The following TOX variants were observed in gnomAD, a reference collection of about 807,000 sequenced individuals.
TOX encodes the protein thymocyte selection-associated high mobility group box protein TOX.
A neutral mutation model predicts 53.7 loss-of-function variants in TOX; 11 were observed. The observed-to-expected ratio is 0.20, with a 90% confidence interval of 0.13 to 0.34. TOX has a LOEUF of 0.34. Among genes scored for constraint, TOX ranks in the 10% least tolerant of loss-of-function variants. TOX has a pLI of 1.00. For synonymous variants in TOX, 225 were observed against 245.3 expected, an observed-to-expected ratio of 0.92 and a Z score of 0.77; for missense variants, 570 against 664.6, an observed-to-expected ratio of 0.86 and a Z score of 1.56.
chr8:58,920,749 G>GAAAAA (rs67652722), intron 3 of TOX, among the ~76,000 whole-genome samples: 3 of 110,866 alleles, frequency 2.7e-5, no homozygotes, highest in African/African-American at 6.7e-5. Flanking sequence ...AAAAAAAGAA[G>GAAAAA]AAAAAAAAAA....
chr8:58,828,531 C>T (rs1033582032), intron 5 of TOX, among the ~76,000 whole-genome samples: 1 of 151,470 alleles, frequency 6.6e-6, no homozygotes, highest in African/African-American at 2.4e-5. Flanking sequence ...TTGGTTCAAG[C>T]ACAGGAGTAT....
intron 1 of TOX, among the ~76,000 whole-genome samples, chr8:59,002,840 C>T (rs1465138431): frequency 6.6e-6 from 1 of 152,092 alleles, no homozygotes; most frequent in Admixed American, 6.5e-5. Flanking sequence ...AGAATGAATG[C>T]ACTACAGTTC....
chr8:58,835,677 T>C (rs1231622944), intron 5 of TOX, among the ~76,000 whole-genome samples: 1 of 152,214 alleles, frequency 6.6e-6, no homozygotes, highest in Non-Finnish European at 1.5e-5. Context: ...TTTTTTAATA[T>C]TGACAATGTA....
chr8:59,006,350 C>G (rs1813792599), intron 1 of TOX, among the ~76,000 whole-genome samples: 2 of 152,162 alleles, frequency 1.3e-5, no homozygotes, highest in Admixed American at 6.5e-5. Flanking sequence ...CTGCCACTGG[C>G]TTTTACAGTA....
chr8:58,945,563 A>G (rs1330028742), intron 2 of TOX, among the ~76,000 whole-genome samples: 1 of 152,116 alleles, frequency 6.6e-6, no homozygotes, highest in Non-Finnish European at 1.5e-5. Flanking sequence ...ACATACTCAC[A>G]TTCCTTTTTA....
chr8:58,831,759 G>T (rs1393751728), intron 5 of TOX, among the ~76,000 whole-genome samples: 1 of 152,112 alleles, frequency 6.6e-6, no homozygotes, highest in Non-Finnish European at 1.5e-5. Context: ...TATTTATTGA[G>T]CATCTAATCC....
intron 6 of TOX, among the ~76,000 whole-genome samples, chr8:58,825,372 A>G (rs1810348175): frequency 6.6e-6 from 1 of 152,254 alleles, no homozygotes; most frequent in South Asian, 2.1e-4. Flanking sequence ...AGAAATGGCA[A>G]TTCGCAGCAT....
intron 1 of TOX, among the ~76,000 whole-genome samples, chr8:59,016,007 G>C (rs1462354926): frequency 6.6e-6 from 1 of 152,050 alleles, no homozygotes; most frequent in South Asian, 2.1e-4. Context: ...TCTAGCAGGC[G>C]ATTTTCAGAC....
intron 1 of TOX, among the ~76,000 whole-genome samples, chr8:59,057,577 G>A (rs866137496): frequency 2.0e-5 from 3 of 152,140 alleles, no homozygotes; most frequent in Non-Finnish European, 2.9e-5. Flanking sequence ...TTTCATGCTT[G>A]TAACTGCTGT....
At chr8:58,987,646 C>T (rs573866509) in intron 1 of TOX, among the ~76,000 whole-genome samples, 1 of 152,326 alleles carries the variant, frequency 6.6e-6, no homozygotes, top group South Asian at 2.1e-4. Context: ...AGGTCAACGA[C>T]ATGAAAAGTC....
At chr8:59,060,444 G>A (rs1442825363) in intron 1 of TOX, among the ~76,000 whole-genome samples, 7 of 152,164 alleles carry the variant, frequency 4.6e-5, no homozygotes, top group Admixed American at 1.3e-4. Flanking sequence ...TGGCCAACAC[G>A]GTGAAACCCC....
intron 1 of TOX, among the ~76,000 whole-genome samples, chr8:59,068,161 C>T (rs1434401390): frequency 6.6e-6 from 1 of 152,066 alleles, no homozygotes. Flanking sequence ...AATAGGTTTC[C>T]TGAAGATCCT....
intron 1 of TOX, among the ~76,000 whole-genome samples, chr8:59,077,009 G>C (rs1804304280): frequency 6.6e-6 from 1 of 152,166 alleles, no homozygotes; most frequent in Non-Finnish European, 1.5e-5. Context: ...AAAAAAGCCA[G>C]TAGCATTTTC....
intron 3 of TOX, among the ~76,000 whole-genome samples, chr8:58,885,813 T>G (rs553562860): frequency 5.3e-5 from 8 of 152,138 alleles, no homozygotes; most frequent in Admixed American, 2.6e-4. Flanking sequence ...TGAAGACTTA[T>G]AATATTGGCT....
chr8:59,054,902 AAAAG>A (rs1468702305), intron 1 of TOX, among the ~76,000 whole-genome samples: 224 of 149,296 alleles, frequency 1.5e-3, no homozygotes, highest in Middle Eastern at 6.8e-3. Flanking sequence ...GAGAAAGGAA[AAAAG>A]AAAGAAAGAG....
At position 58,807,096 on chromosome 8, in the gene TOX, A is replaced by G. The variant is rs561855041; in HGVS notation, c.*651T>C. On this transcript the variant is annotated 3_prime_UTR_variant, in exon 9 of 9. Coordinates refer to ENST00000361421, the MANE Select transcript of TOX (RefSeq NM_014729.3). ...ATACTAGTTTCTTTTTGTCTGATCA[A>G]TGAGACAAAGCCAATTTGTTTTTAA... 2 of 152,778 alleles carry G rather than the reference A, an allele frequency of 1.3e-5. No individual in the cohort carries two copies. Among genetic ancestry groups the G allele is most frequent in the African/African-American group, 4.8e-5 (2 of 41,590 alleles). The allele number at this position is 152,778 out of a possible 1,614,324, so 9.5% of individuals were successfully genotyped here. A position where few individuals can be genotyped will look rare whatever the true frequency, so the allele number is the denominator to read the frequency against.
intron 1 of TOX, among the ~76,000 whole-genome samples, chr8:59,043,617 G>C (rs1021267532): frequency 2.0e-5 from 3 of 152,118 alleles, no homozygotes; most frequent in African/African-American, 7.2e-5. Context: ...AATACTCTCG[G>C]GTCAACTGTG....
chr8:58,983,490 T>C (rs1813240012), intron 1 of TOX, among the ~76,000 whole-genome samples: 1 of 152,212 alleles, frequency 6.6e-6, no homozygotes, highest in South Asian at 2.1e-4. Flanking sequence ...AAGAGACAAG[T>C]TTTCTGACCT....
At chr8:59,114,638 C>T (rs950054549) in intron 1 of TOX, among the ~76,000 whole-genome samples, 4 of 152,158 alleles carry the variant, frequency 2.6e-5, no homozygotes, top group African/African-American at 9.7e-5. Flanking sequence ...GGATGAAGAA[C>T]TAATCAAGCA....
Sources: allele counts gnomAD v4.1 joint callset (sites outside exome capture counted in the v4.1 genomes callset), GRCh38; gene constraint gnomAD v4.1.1; transcripts MANE v1.5; gene names NCBI Gene and HGNC (gene_info 2026-07-23, HGNC 2026-07-21).